Variants in TMEM117 observed in about 807,000 individuals in gnomAD.
TMEM117 encodes the protein transmembrane protein 117.
Under a neutral mutation model 52.4 loss-of-function variants are expected in TMEM117, and 27 were observed. The ratio of observed to expected loss-of-function variants is 0.51; its 90% CI spans 0.38 to 0.71. TMEM117 has a LOEUF of 0.71. TMEM117 is among the 30% of genes least tolerant of loss of function. The pLI is 0.00. For missense variants in TMEM117, 556 were observed against 630.5 expected (o/e 0.88, Z 1.26); for synonymous variants, 215 against 206.3 (o/e 1.04, Z -0.36).
chr12:44,056,838 T>A (rs1422183488), intron 3 of TMEM117, among the ~76,000 whole-genome samples: 2 of 152,202 alleles, frequency 1.3e-5, no homozygotes, highest in Non-Finnish European at 2.9e-5. Flanking sequence ...ATTAACCTTA[T>A]GGGACAGGCT....
At chr12:44,393,413 C>T (rs1432151489), downstream of TMEM117, among the ~76,000 whole-genome samples, 2 of 145,476 alleles carry the variant, frequency 1.4e-5, no homozygotes, top group African/African-American at 5.3e-5. Context: ...TGAATATTTT[C>T]TATGTGAAAA....
At chr12:43,837,546 C>T (rs1399703264) in intron 1 of TMEM117, among the ~76,000 whole-genome samples, 3 of 152,018 alleles carry the variant, frequency 2.0e-5, no homozygotes, top group Non-Finnish European at 4.4e-5. Flanking sequence ...GGGGTTTCAC[C>T]ATGTTGGTCA....
intron 3 of TMEM117, among the ~76,000 whole-genome samples, chr12:43,993,867 G>A (rs1028299022): frequency 6.6e-6 from 1 of 151,974 alleles, no homozygotes; most frequent in African/African-American, 2.4e-5. Flanking sequence ...CCTAATTTTT[G>A]TATTTTTTGT....
chr12:43,945,981 T>C (rs1347658049), intron 3 of TMEM117, among the ~76,000 whole-genome samples: 2 of 152,248 alleles, frequency 1.3e-5, no homozygotes, highest in Non-Finnish European at 2.9e-5. Flanking sequence ...TCACATGTTT[T>C]ATATTTTAGT....
At chr12:43,934,390 A>G (rs1944822738) in intron 2 of TMEM117, among the ~76,000 whole-genome samples, 1 of 152,160 alleles carries the variant, frequency 6.6e-6, no homozygotes, top group African/African-American at 2.4e-5. Context: ...TAATAGTAAA[A>G]TATAATATTC....
intron 3 of TMEM117, among the ~76,000 whole-genome samples, chr12:44,094,787 G>A (rs373726017): frequency 1.6e-4 from 25 of 152,078 alleles, no homozygotes; most frequent in African/African-American, 5.6e-4. Flanking sequence ...TTGCATATGT[G>A]TTAGTGTGTG....
chr12:43,945,398 G>A (rs1044861031), intron 3 of TMEM117, among the ~76,000 whole-genome samples: 3 of 152,168 alleles, frequency 2.0e-5, no homozygotes, highest in Non-Finnish European at 4.4e-5. Flanking sequence ...CTCACTCACT[G>A]CAACCTCTGC....
intron 4 of TMEM117, among the ~76,000 whole-genome samples, chr12:44,202,945 C>T (rs540866814): frequency 3.3e-5 from 5 of 152,050 alleles, no homozygotes; most frequent in South Asian, 2.1e-4. Flanking sequence ...TGTACCACCA[C>T]GCCTGGATTT....
At chr12:44,330,653 C>T (rs923694466) in intron 6 of TMEM117, among the ~76,000 whole-genome samples, 4 of 151,978 alleles carry the variant, frequency 2.6e-5, no homozygotes, top group Non-Finnish European at 4.4e-5. Flanking sequence ...TAGTGACTAC[C>T]GTATTGGACA....
chr12:43,811,510 A>C, the TMEM117 span, among the ~76,000 whole-genome samples: 1 of 152,256 alleles, frequency 6.6e-6, no homozygotes, highest in East Asian at 1.9e-4. Flanking sequence ...TTTAAGCCAC[A>C]GTTTATTACA....
At chr12:44,264,578 C>T (rs1044135980) in intron 5 of TMEM117, among the ~76,000 whole-genome samples, 7 of 152,142 alleles carry the variant, frequency 4.6e-5, no homozygotes, top group Admixed American at 4.6e-4. Context: ...GATGTCCCAC[C>T]TAATTGCTGC....
downstream of TMEM117, among the ~76,000 whole-genome samples, chr12:44,394,518 GA>G (rs1952173000): frequency 1.3e-5 from 2 of 152,204 alleles, no homozygotes; most frequent in Non-Finnish European, 2.9e-5. Flanking sequence ...CAGAAGTTCA[GA>G]TCCCTTAGTT....
chr12:43,984,324 C>T (rs191372524), intron 3 of TMEM117, among the ~76,000 whole-genome samples: 12 of 151,954 alleles, frequency 7.9e-5, no homozygotes, highest in Non-Finnish European at 1.5e-4. Context: ...GCTGAGATGA[C>T]GTCACTGCAC....
chr12:43,925,734 A>G (rs1944768517), intron 2 of TMEM117, among the ~76,000 whole-genome samples: 1 of 152,160 alleles, frequency 6.6e-6, no homozygotes, highest in Non-Finnish European at 1.5e-5. Flanking sequence ...TGAATTATAT[A>G]TATTTATCCC....
At chr12:43,916,900 C>T (rs748071464) in intron 2 of TMEM117, among the ~76,000 whole-genome samples, 3 of 152,148 alleles carry the variant, frequency 2.0e-5, no homozygotes, top group Non-Finnish European at 2.9e-5. Flanking sequence ...AGACTCCCCT[C>T]TCTACTCCTC....
the TMEM117 span, among the ~76,000 whole-genome samples, chr12:43,812,199 A>G: frequency 6.6e-6 from 1 of 152,198 alleles, no homozygotes; most frequent in Non-Finnish European, 1.5e-5. Context: ...TCTGGTTTCT[A>G]CTTCATTCTT....
chr12:43,986,862 C>T (rs143086812), intron 3 of TMEM117, among the ~76,000 whole-genome samples: 6 of 152,238 alleles, frequency 3.9e-5, no homozygotes, highest in South Asian at 4.1e-4. Context: ...TGAACTTCTG[C>T]TGTTTAACCT....
At chr12:44,326,129 C>T (rs1951191765) in intron 6 of TMEM117, among the ~76,000 whole-genome samples, 1 of 152,184 alleles carries the variant, frequency 6.6e-6, no homozygotes, top group African/African-American at 2.4e-5. Flanking sequence ...TGCCACACTG[C>T]ACTCCAGCAG....
chr12:44,253,043 C>T (rs1216378887), intron 5 of TMEM117, among the ~76,000 whole-genome samples: 2 of 152,178 alleles, frequency 1.3e-5, no homozygotes, highest in African/African-American at 4.8e-5. Context: ...AATATTACTG[C>T]TGTGTGAAAC....
Sources: allele counts gnomAD v4.1 joint callset (sites outside exome capture counted in the v4.1 genomes callset), GRCh38; gene constraint gnomAD v4.1.1; transcripts MANE v1.5; gene names NCBI Gene and HGNC (gene_info 2026-07-23, HGNC 2026-07-21).